Variants in BIRC6 observed in about 807,000 individuals in gnomAD.
The protein encoded by BIRC6 is dual E2 ubiquitin-conjugating enzyme/E3 ubiquitin-protein ligase BIRC6.
In BIRC6, 98 loss-of-function variants were observed where a neutral mutation model predicts 503.3. That is an observed-to-expected ratio of 0.19 (90% confidence interval 0.17 to 0.23). The LOEUF (loss-of-function observed/expected upper bound fraction) is 0.23. Ranked by LOEUF, BIRC6 falls within the 10% of genes least tolerant of loss-of-function variation. The pLI is 1.00. For missense variants in BIRC6, 5,360 were observed against 5,806.0 expected (o/e 0.92, Z 2.50); for synonymous variants, 2,240 against 2,078.7 (o/e 1.08, Z -2.11).
At chr2:32,607,418 TG>T (rs1559148182) in intron 71 of BIRC6, 36 bp from the exon 72 acceptor site, 1 of 1,369,368 alleles carries the variant, frequency 7.3e-7, no homozygotes, top group Non-Finnish European at 9.7e-7. Flanking sequence ...ACAGTAAAAA[TG>T]TCCCATCATA....
intron 6 of BIRC6, 23 bp from the exon 7 acceptor site, chr2:32,401,140 T>C: frequency 6.3e-7 from 1 of 1,590,348 alleles, no homozygotes; most frequent in African/African-American, 1.3e-5. Flanking sequence ...TAGTAAACTT[T>C]TCCTTTCTAA....
In BIRC6 at chr2:32,357,199, T is replaced by C. The variant is rs1246101886; in HGVS notation, c.38T>C (p.Val13Ala). ...GGTGGTGCTGCACCTCCCGGGACTG[T>C]CACTGAGCCGCTTCCCAGTGTGATT... ...TGGGAAPPGTVTEPLPSVIVL... is the reference protein window; with the variant it reads ...TGGGAAPPGTATEPLPSVIVL... The change falls in exon 1 of 74, where the codon GTC (valine) becomes GCC (alanine). Residue 13 changes from valine to alanine, a missense_variant. Val to Ala is a moderately conservative substitution (Grantham distance 64). Around this residue, in one of 16 missense-constraint regions of BIRC6, gnomAD observed 145 missense variants for 106.9 expected, o/e 1.36. Coordinates refer to ENST00000421745, the MANE Select transcript of BIRC6 (RefSeq NM_016252.4). This position sits in a 1 kb window ranked among gnomAD's most constrained non-coding sequence, Gnocchi z 4.9. The C allele has an allele frequency of 4.5e-6, 7 of 1,540,580 alleles. No homozygotes were observed. Among genetic ancestry groups the C allele is most frequent in the Non-Finnish European group, 6.1e-6 (7 of 1,149,844 alleles).
chr2:32,578,004 T>C (rs1304922116), intron 66 of BIRC6, among the ~76,000 whole-genome samples: 2 of 152,234 alleles, frequency 1.3e-5, no homozygotes, highest in East Asian at 3.8e-4. Context: ...TACATATTTT[T>C]AGTAATTCTT....
chr2:32,607,624 C>G lies in BIRC6; in HGVS notation c.14240C>G (p.Pro4747Arg). Residue 4747 changes from proline to arginine, a missense_variant, in exon 72 of 74, where the codon CCT becomes CGT. This residue lies in a region of BIRC6 where 40 missense variants were observed against 53.4 expected (regional missense o/e 0.75). Coordinates refer to ENST00000421745, the MANE Select transcript of BIRC6 (RefSeq NM_016252.4). ...GCAATGCTAGAACAAATCAGAAACC[C>G]TTCACCATGTTTTAAAGAGGTATGT... ...KWAMLEQIRN[P>R]SPCFKEVIHK... 6.2e-7 allele frequency: 1 copy of G among 1,608,038 alleles called. No individual in the cohort carries two copies. The highest frequency in any genetic ancestry group is 8.5e-7 in the Non-Finnish European group (1 of 1,176,900).
At position 32,549,442 on chromosome 2, in the gene BIRC6, C is replaced by G. The variant is rs200925012; in HGVS notation, c.13105C>G (p.Leu4369Val). 86 of 1,477,666 alleles carry G rather than the reference C, an allele frequency of 5.8e-5. No individual in the cohort carries two copies. Among genetic ancestry groups the G allele is most frequent in the Non-Finnish European group, 7.0e-5 (76 of 1,091,436 alleles). 91.5% of individuals were successfully genotyped at this position (1,477,666 alleles called of 1,614,324 possible). ...VLLELLSQSC[L>V]IPAMSSYLRN... is the part of the protein sequence containing the mutation. ...TCTCGAGCTTCTCAGTCAGTCCTGC[C>G]TCATCCCAGCCATGTCATCTTATCT... The change falls in exon 65 of 74, where the codon CTC (leucine) becomes GTC (valine). Residue 4369 changes from leucine to valine, a missense_variant. Leu to Val is a conservative substitution (Grantham distance 32). Coordinates refer to ENST00000421745, the MANE Select transcript of BIRC6 (RefSeq NM_016252.4).
chr2:32,449,006 A>G, intron 22 of BIRC6, 78 bp downstream of exon 22: 2 of 1,372,612 alleles, frequency 1.5e-6, no homozygotes, highest in Non-Finnish European at 2.0e-6. Flanking sequence ...AATAGATTAT[A>G]GTCATGATGT....
chr2:32,607,305 T>G (rs2062540654), intron 71 of BIRC6, 150 bp from the exon 72 acceptor site: 1 of 537,932 alleles, frequency 1.9e-6, no homozygotes, highest in African/African-American at 1.9e-5. Context: ...AATGAAATAT[T>G]TCAATGTTAT....
rs1260032230 is a variant in BIRC6 at position 32,416,091 on chromosome 2, A to G, written c.2800A>G (p.Thr934Ala). 7 of 1,613,860 alleles carry G rather than the reference A, an allele frequency of 4.3e-6. No individual in the cohort carries two copies. In the Admixed American group the frequency reaches 1.2e-4, roughly 27 times the overall value. Residue 934 changes from threonine (T) to alanine (A), a missense_variant, in exon 10 of 74, where the codon ACT (threonine) becomes GCT (alanine). Physicochemically the swap from Thr to Ala is moderately conservative, Grantham distance 58. Coordinates refer to ENST00000421745, the MANE Select transcript of BIRC6 (RefSeq NM_016252.4). ...AGTGGAGCCTCCCAAAAAGGAGGGCACTGAGGAACAGGACACATTTGTTTC... is the reference window on the plus strand; with the variant it reads ...AGTGGAGCCTCCCAAAAAGGAGGGCGCTGAGGAACAGGACACATTTGTTTC... ...AKVEPPKKEGTEEQDTFVSVI... is the reference protein window; with the variant it reads ...AKVEPPKKEGAEEQDTFVSVI...
At chr2:32,484,664 T>G (rs542817793) in intron 39 of BIRC6, among the ~76,000 whole-genome samples, 16 of 152,104 alleles carry the variant, frequency 1.1e-4, no homozygotes, top group Non-Finnish European at 1.9e-4. Flanking sequence ...TACCTTACCA[T>G]TTTTTTAAAT....
intron 72 of BIRC6, among the ~76,000 whole-genome samples, chr2:32,608,439 C>T (rs1005979424): frequency 1.3e-5 from 2 of 151,874 alleles, no homozygotes; most frequent in African/African-American, 2.4e-5. Context: ...TGTCCCATCC[C>T]GTTTCGTTCT....
intron 21 of BIRC6, among the ~76,000 whole-genome samples, chr2:32,447,434 A>AT (rs1475563513): frequency 2.2e-4 from 26 of 118,276 alleles, no homozygotes; most frequent in African/African-American, 2.9e-4. Flanking sequence ...CGGGGGGCTG[A>AT]CCCCCCACCT....
At chr2:32,479,352 T>C in intron 36 of BIRC6, 110 bp from the exon 37 acceptor site, 1 of 1,037,542 alleles carries the variant, frequency 9.6e-7, no homozygotes, top group Non-Finnish European at 1.4e-6. Flanking sequence ...CTTTTATAGT[T>C]AGTAGAGCAT....
At chr2:32,447,217 T>G (rs1284277595) in intron 21 of BIRC6, among the ~76,000 whole-genome samples, 100 of 149,142 alleles carry the variant, frequency 6.7e-4, no homozygotes, top group African/African-American at 2.3e-3. Flanking sequence ...CGCCTTTCTA[T>G]TCCACAAAAC....
chr2:32,411,484 G>GT (rs200838166), intron 9 of BIRC6, among the ~76,000 whole-genome samples: 200 of 146,380 alleles, frequency 1.4e-3, no homozygotes, highest in African/African-American at 4.3e-3. Flanking sequence ...GCCTAGAGTG[G>GT]TTTTTTCTTT....
In BIRC6 at chr2:32,414,750, A is replaced by T. The variant is rs776438226; in HGVS notation, c.1478-19A>T. The T allele has an allele frequency of 2.1e-4, 338 of 1,590,668 alleles. No individual in the cohort carries two copies. Among genetic ancestry groups the T allele is most frequent in the Non-Finnish European group, 2.8e-4 (324 of 1,163,760 alleles). On this transcript the variant is annotated intron_variant, in intron 9 of 73. Coordinates refer to ENST00000421745, the MANE Select transcript of BIRC6 (RefSeq NM_016252.4). ...GGATGAGTAGAAACATATCTAATGA[A>T]TATTGTTCCTTTTTAAAGGGCATAC... is the stretch of plus-strand genomic sequence containing the variant.
At chr2:32,494,927 A>T (rs1010401715) in intron 45 of BIRC6, among the ~76,000 whole-genome samples, 2 of 152,174 alleles carry the variant, frequency 1.3e-5, no homozygotes, top group Non-Finnish European at 2.9e-5. Context: ...AAATAAATTA[A>T]TGATCAGGAA....
chr2:32,571,649 A>G (rs2059924764), intron 65 of BIRC6, among the ~76,000 whole-genome samples: 1 of 151,776 alleles, frequency 6.6e-6, no homozygotes, highest in Non-Finnish European at 1.5e-5. Flanking sequence ...CTTCTTGGTT[A>G]GTCTAGCTAA....
chr2:32,577,627 G>A (rs1347043449), intron 66 of BIRC6, among the ~76,000 whole-genome samples: 3 of 152,070 alleles, frequency 2.0e-5, no homozygotes, highest in African/African-American at 7.2e-5. Context: ...CTTATTGCAG[G>A]AAATTTGGAC....
rs1415258844 is a variant in BIRC6, at chr2:32,439,619, C to T, written c.3743C>T (p.Ser1248Phe). The change falls in exon 16 of 74, where the codon TCC becomes TTC. Residue 1248 changes from serine to phenylalanine, a missense_variant. By Grantham distance (155) the Ser-to-Phe change is radical (BLOSUM62 -2). Around this residue, in one of 16 missense-constraint regions of BIRC6, gnomAD observed 2,299 missense variants for 2,267.2 expected, o/e 1.01. Transcript: ENST00000421745. Reference sequence around the variant, plus strand: ...ATGCGTCCTGTAGTAAGGCTTCCATCCCTAAAACACCAGAGTAACAAGGGT... The same window carrying T: ...ATGCGTCCTGTAGTAAGGCTTCCATTCCTAAAACACCAGAGTAACAAGGGT... ...GGMRPVVRLPSLKHQSNKGYS... is the reference protein window; with the variant it reads ...GGMRPVVRLPFLKHQSNKGYS... The T allele has an allele frequency of 4.3e-6, 7 of 1,613,792 alleles. No homozygotes were observed. The highest frequency in any genetic ancestry group is 1.7e-5 in the Admixed American group (1 of 59,998).
Sources: gnomAD v4.1 joint callset for allele counts (sites outside exome capture counted in the v4.1 genomes callset) on GRCh38, gnomAD v4.1.1 for gene constraint, gnomAD v4.1.1 regional missense constraint, Gnocchi (gnomAD v3.1) non-coding constraint, MANE v1.5 for transcripts, NCBI Gene and HGNC (gene_info 2026-07-23, HGNC 2026-07-21) for gene names.